The following GRM8 variants were observed in gnomAD, a reference collection of about 807,000 sequenced individuals.
GRM8 encodes metabotropic glutamate receptor 8.
Under a neutral mutation model 87.2 loss-of-function variants are expected in GRM8, and 47 were observed. The observed-to-expected ratio is 0.54, with a 90% CI of 0.43 to 0.69. The LOEUF (loss-of-function observed/expected upper bound fraction) is 0.69, where lower values mean the gene tolerates loss of function less well. GRM8 is among the 30% of genes least tolerant of loss of function. GRM8 has a pLI of 0.00. For missense variants in GRM8, 1,019 were observed against 1,139.2 expected (o/e 0.89, Z 1.52); for synonymous variants, 396 against 404.5 (o/e 0.98, Z 0.25).
chr7:127,177,352 A>G (rs1794171597), intron 2 of GRM8, among the ~76,000 whole-genome samples: 1 of 152,192 alleles, frequency 6.6e-6, no homozygotes, highest in South Asian at 2.1e-4. Flanking sequence ...AGACCTGCCC[A>G]AAGTGAGTCT....
At chr7:127,197,919 C>T (rs938200035) in intron 2 of GRM8, among the ~76,000 whole-genome samples, 11 of 152,074 alleles carry the variant, frequency 7.2e-5, no homozygotes, top group Admixed American at 3.9e-4. Context: ...TTTAGCAAAA[C>T]GTATTTGAAA....
chr7:127,155,600 T>C (rs1393528176), intron 2 of GRM8, among the ~76,000 whole-genome samples: 1 of 152,136 alleles, frequency 6.6e-6, no homozygotes. Flanking sequence ...TGGAACCATA[T>C]TGAACCATGC....
At chr7:126,914,347 G>A (rs1803637095) in intron 3 of GRM8, among the ~76,000 whole-genome samples, 1 of 152,160 alleles carries the variant, frequency 6.6e-6, no homozygotes, top group Non-Finnish European at 1.5e-5. Flanking sequence ...CAGCCACTGT[G>A]GAAAGCAGTA....
At chr7:126,764,147 C>A (rs1264718661) in intron 7 of GRM8, among the ~76,000 whole-genome samples, 1 of 151,744 alleles carries the variant, frequency 6.6e-6, no homozygotes, top group African/African-American at 2.4e-5. Flanking sequence ...TAATTTTTCC[C>A]TTATAGTAAT....
chr7:126,935,768 A>G (rs960709626), intron 3 of GRM8, among the ~76,000 whole-genome samples: 2 of 152,222 alleles, frequency 1.3e-5, no homozygotes, highest in African/African-American at 4.8e-5. Context: ...TCAGAAAACA[A>G]TACATATGTA....
At chr7:126,933,335 G>C (rs1163314891) in intron 3 of GRM8, among the ~76,000 whole-genome samples, 3 of 152,202 alleles carry the variant, frequency 2.0e-5, no homozygotes, top group Admixed American at 1.3e-4. Context: ...ATCCTGGAAA[G>C]AGTTAAGAAC....
Position 126,908,629 on chromosome 7 carries a change from T to C in GRM8, c.728-3946A>G, listed in dbSNP as rs566137420. Among the ~76,000 whole-genome samples the C allele has an allele frequency of 9.2e-5, 14 of 152,344 alleles. No individual in the cohort carries two copies. The East Asian group carries it at 2.3e-3, about 25-fold the overall frequency. On this transcript the variant is annotated intron_variant, in intron 3 of 10. Coordinates refer to ENST00000339582, the MANE Select transcript of GRM8 (RefSeq NM_000845.3). ...AAGAAGCAAACAAGCAATCCAAACA[T>C]AGTTTAGTCTGAATTCATTGATTTA...
At chr7:126,572,942 C>T (rs149098647) in intron 8 of GRM8, among the ~76,000 whole-genome samples, 22 of 152,038 alleles carry the variant, frequency 1.4e-4, no homozygotes, top group African/African-American at 3.1e-4. Context: ...TAACCACAAA[C>T]GGTGCAAGAA....
chr7:126,826,441 G>C (rs1045825361), intron 6 of GRM8, among the ~76,000 whole-genome samples: 1 of 152,138 alleles, frequency 6.6e-6, no homozygotes, highest in African/African-American at 2.4e-5. Flanking sequence ...ATCTCATTGT[G>C]GTTTTGATTT....
rs1794806198 is a variant in GRM8 at position 127,187,593 on chromosome 7, G to A, written c.510+55102C>T. On this transcript the variant is annotated intron_variant, in intron 2 of 10. Transcript: ENST00000339582. Reference sequence around the variant, plus strand: ...GGCCATAACTGGCACTAACTCCTTTGTCACATACGCGCATTTGGTGTTCTC... The same window carrying A: ...GGCCATAACTGGCACTAACTCCTTTATCACATACGCGCATTTGGTGTTCTC... Among the ~76,000 whole-genome samples, 3 of 152,130 alleles carry A rather than the reference G, an allele frequency of 2.0e-5. No homozygotes were observed. In the South Asian group the frequency reaches 6.2e-4, roughly 32 times the overall value.
intron 7 of GRM8, among the ~76,000 whole-genome samples, chr7:126,725,868 C>T (rs2151467873): frequency 6.6e-6 from 1 of 152,220 alleles, no homozygotes; most frequent in Middle Eastern, 3.4e-3. Flanking sequence ...CACACTTTTA[C>T]ACAACCAGAT....
chr7:126,530,659 A>T (rs1427547782), intron 9 of GRM8, among the ~76,000 whole-genome samples: 2 of 152,256 alleles, frequency 1.3e-5, no homozygotes, highest in African/African-American at 4.8e-5. Flanking sequence ...GAACAGTACA[A>T]AAGAAAATGG....
intron 7 of GRM8, among the ~76,000 whole-genome samples, chr7:126,662,712 C>A (rs1805331206): frequency 6.6e-6 from 1 of 151,988 alleles, no homozygotes; most frequent in Non-Finnish European, 1.5e-5. Flanking sequence ...AATGTATAGA[C>A]AGCAAGAAAA....
intron 7 of GRM8, among the ~76,000 whole-genome samples, chr7:126,763,472 T>TATATATACAC (rs1479649712): frequency 3.8e-5 from 3 of 78,358 alleles, no homozygotes; most frequent in East Asian, 4.4e-4. Context: ...TATATATATA[T>TATATATACAC]ACACACACAC....
chr7:126,811,148 T>C (rs1057449981), intron 6 of GRM8, among the ~76,000 whole-genome samples: 2 of 152,192 alleles, frequency 1.3e-5, no homozygotes, highest in African/African-American at 2.4e-5. Context: ...ATGTATGTTC[T>C]TGTAGACTTT....
intron 7 of GRM8, among the ~76,000 whole-genome samples, chr7:126,673,506 G>A (rs1040380839): frequency 2.0e-5 from 3 of 152,120 alleles, no homozygotes; most frequent in African/African-American, 4.8e-5. Context: ...TGGAGAAAGA[G>A]GAAACATGCA....
chr7:127,241,630 T>G (rs928321265), intron 2 of GRM8, among the ~76,000 whole-genome samples: 38 of 151,848 alleles, frequency 2.5e-4, no homozygotes, highest in Non-Finnish European at 3.2e-4. Flanking sequence ...AGAGACGGGG[T>G]TTCACCGTGT....
intron 2 of GRM8, among the ~76,000 whole-genome samples, chr7:127,162,449 G>A (rs558624527): frequency 4.4e-4 from 67 of 152,260 alleles, no homozygotes; most frequent in African/African-American, 1.6e-3. Flanking sequence ...AAGATCCCAG[G>A]CCTTTTTCTT....
intron 7 of GRM8, among the ~76,000 whole-genome samples, chr7:126,637,849 T>C (rs1446217868): frequency 2.6e-5 from 4 of 152,176 alleles, no homozygotes; most frequent in East Asian, 1.9e-4. Flanking sequence ...TCATGATTTC[T>C]GTATTTTAGA....
Sources: gnomAD v4.1 joint callset for allele counts (sites outside exome capture counted in the v4.1 genomes callset) on GRCh38, gnomAD v4.1.1 for gene constraint, MANE v1.5 for transcripts, NCBI Gene and HGNC (gene_info 2026-07-23, HGNC 2026-07-21) for gene names.